Variants in TEX101 observed in about 807,000 individuals in gnomAD.
TEX101 encodes testis-expressed protein 101.
TEX101 carries 10 observed loss-of-function variants against 18.1 expected under a neutral mutation model. That is an observed-to-expected ratio of 0.55 (90% confidence interval 0.34 to 0.94). The LOEUF (loss-of-function observed/expected upper bound fraction) is 0.94. TEX101 is among the 40% of genes least tolerant of loss of function. The pLI, the probability that TEX101 is intolerant of heterozygous loss-of-function variation, is 0.02. For synonymous variants in TEX101, 94 were observed against 114.8 expected (o/e 0.82, Z 1.16); for missense variants, 259 against 298.9 (o/e 0.87, Z 0.98).
At chr19:43,392,043 G>T in the TEX101 span, among the ~76,000 whole-genome samples, 5 of 152,174 alleles carry the variant, frequency 3.3e-5, no homozygotes, top group African/African-American at 1.2e-4. Flanking sequence ...CTGGCTTAGG[G>T]GAAAACAGAG....
At position 43,418,393 on chromosome 19, in the gene TEX101, C is replaced by G; in HGVS notation, c.746C>G (p.Ser249Cys). The change falls in exon 6 of 6, where the codon TCC becomes TGC. Residue 249 changes from serine (S) to cysteine (C), a missense_variant. Coordinates refer to ENST00000598265, the MANE Select transcript of TEX101 (RefSeq NM_001130011.3). Reference protein sequence around the residue: ...PLLLPSFIHFS With the variant: ...PLLLPSFIHFC ...CTGCTGCCATCATTTATTCACTTTT[C>G]CTAAGAAGGCACTTCTGGGCCTGGG... 1 of 1,611,306 alleles carries G rather than the reference C, an allele frequency of 6.2e-7. No individual in the cohort carries two copies. Among genetic ancestry groups the G allele is most frequent in the Non-Finnish European group, 8.5e-7 (1 of 1,177,720 alleles).
At chr19:43,411,796 G>A (rs1196844461), upstream of TEX101, among the ~76,000 whole-genome samples, 5 of 151,946 alleles carry the variant, frequency 3.3e-5, no homozygotes, top group Admixed American at 6.6e-5. Flanking sequence ...GATTACAGGC[G>A]CGTGCCACCA....
At chr19:43,411,581 A>G (rs1970419518), upstream of TEX101, among the ~76,000 whole-genome samples, 2 of 152,178 alleles carry the variant, frequency 1.3e-5, no homozygotes, top group African/African-American at 4.8e-5. Flanking sequence ...CAAACGTTCC[A>G]TGGATTCATA....
At chr19:43,392,397 G>A in the TEX101 span, among the ~76,000 whole-genome samples, 1 of 152,030 alleles carries the variant, frequency 6.6e-6, no homozygotes, top group African/African-American at 2.4e-5. Context: ...AGGGGAGAGA[G>A]AAAGGGCCTA....
chr19:43,405,644 G>A (rs1252549776), intron 2 of TEX101, among the ~76,000 whole-genome samples: 1 of 151,654 alleles, frequency 6.6e-6, no homozygotes, highest in Non-Finnish European at 1.5e-5. Flanking sequence ...ATGGAAGGAG[G>A]TTGGGTGCGG....
intron 2 of TEX101, among the ~76,000 whole-genome samples, chr19:43,405,654 GT>G (rs761574518): frequency 5.3e-5 from 8 of 151,904 alleles, no homozygotes; most frequent in Non-Finnish European, 1.0e-4. Flanking sequence ...GTTGGGTGCG[GT>G]GACTCACGCC....
upstream of TEX101, among the ~76,000 whole-genome samples, chr19:43,412,563 T>C (rs1162909068): frequency 6.6e-6 from 1 of 151,840 alleles, no homozygotes; most frequent in Non-Finnish European, 1.5e-5. Flanking sequence ...CTTCTAGGTG[T>C]GAGATGGAGG....
chr19:43,418,230 T>G lies in TEX101; in HGVS notation c.583T>G (p.Ser195Ala), dbSNP rs748621908. ...AGCCATGATTGGCTGCAGGCTGATGTCTGGAATCTTAGCAGTAGGACCCAT... is the reference window on the plus strand; with the variant it reads ...AGCCATGATTGGCTGCAGGCTGATGGCTGGAATCTTAGCAGTAGGACCCAT... Reference protein sequence around the residue: ...CTAMIGCRLMSGILAVGPMFV... With the variant: ...CTAMIGCRLMAGILAVGPMFV... Residue 195 changes from serine (S) to alanine (A), a missense_variant, in exon 6 of 6, where the codon TCT becomes GCT. Physicochemically the swap from Ser to Ala is moderately conservative, Grantham distance 99 (BLOSUM62 1). Coordinates refer to ENST00000598265, the MANE Select transcript of TEX101 (RefSeq NM_001130011.3). 6.2e-7 allele frequency: 1 copy of G among 1,614,176 alleles called. No homozygotes were observed. The highest frequency in any genetic ancestry group is 1.1e-5 in the South Asian group (1 of 91,084).
chr19:43,391,036 A>C, the TEX101 span, among the ~76,000 whole-genome samples: 14 of 152,344 alleles, frequency 9.2e-5, no homozygotes, highest in East Asian at 2.7e-3. Context: ...ACTTAGCAGA[A>C]AGAGCTCAAG....
chr19:43,416,518 C>G lies in TEX101; in HGVS notation c.354C>G (p.Asp118Glu), dbSNP rs572838169. The G allele has an allele frequency of 1.2e-6, 2 of 1,614,052 alleles. No individual in the cohort carries two copies. The highest frequency in any genetic ancestry group is 1.7e-5 in the Admixed American group (1 of 60,004). The stretch of plus-strand genomic sequence containing the variant: ...AGGATTCCTTCTGTAATGACAAAGA[C>G]AGCCTGTCTCAGTTTTGGGAGTTCA... ...YCEDSFCNDK[D>E]SLSQFWEFSE... The change falls in exon 4 of 6, where the codon GAC (aspartate) becomes GAG (glutamate). Residue 118 changes from aspartate (D) to glutamate (E), a missense_variant. By Grantham distance (45) the Asp-to-Glu change is conservative. Transcript: ENST00000598265.
upstream of TEX101, among the ~76,000 whole-genome samples, chr19:43,410,471 T>C (rs1970408748): frequency 6.6e-6 from 1 of 151,338 alleles, no homozygotes; most frequent in African/African-American, 2.4e-5. Context: ...GTGTGGGAGG[T>C]TGGAATTTTC....
chr19:43,416,407 C>T lies in TEX101; in HGVS notation c.243C>T (p.Cys81=), dbSNP rs1024572856. 6.2e-7 allele frequency: 1 copy of T among 1,614,100 alleles called. No homozygotes were observed. Among genetic ancestry groups the T allele is most frequent in the East Asian group, 2.2e-5 (1 of 44,880 alleles). ...CAGCCATTTTGGCCACGAAGGGCTG[C>T]ATCCCGGAAGGGGAGGAGGCCATAA... The part of the protein sequence containing the change: ...TETAILATKG[C]IPEGEEAITI... Residue 81 remains cysteine, a synonymous_variant, in exon 4 of 6, where the codon TGC becomes TGT. Coordinates refer to ENST00000598265, the MANE Select transcript of TEX101 (RefSeq NM_001130011.3).
chr19:43,403,559 TG>T (rs1970335966), intron 2 of TEX101, among the ~76,000 whole-genome samples: 1 of 151,982 alleles, frequency 6.6e-6, no homozygotes, highest in Non-Finnish European at 1.5e-5. Flanking sequence ...GTTGTGCACA[TG>T]TACCCTAGAA....
At chr19:43,399,877 A>G (rs11666534), upstream of TEX101, among the ~76,000 whole-genome samples, 52,611 of 147,942 alleles carry the variant, frequency 0.36, 9,715 homozygotes, top group East Asian at 0.72. Context: ...GTGCAATGGT[A>G]TGATCTCAGG....
chr19:43,405,549 CAAAAAAAAAA>C (rs1163062557), intron 2 of TEX101, among the ~76,000 whole-genome samples: 24 of 38,502 alleles, frequency 6.2e-4, no homozygotes, highest in East Asian at 1.3e-3. Flanking sequence ...AACTCTGTCT[CAAAAAAAAAA>C]AAAAAAAAAA....
chr19:43,410,840 A>T (rs575604339), upstream of TEX101, among the ~76,000 whole-genome samples: 1 of 152,206 alleles, frequency 6.6e-6, no homozygotes, highest in South Asian at 2.1e-4. Flanking sequence ...ATGAACACAC[A>T]TAGCCAATTA....
rs1160223002 is a variant in TEX101, at chr19:43,416,085, T to C, written c.65-14T>C. 6.2e-7 allele frequency: 1 copy of C among 1,606,082 alleles called. No individual in the cohort carries two copies. Among genetic ancestry groups the C allele is most frequent in the South Asian group, 1.1e-5 (1 of 90,290 alleles). On this transcript the variant is annotated splice_polypyrimidine_tract_variant and intron_variant, in intron 2 of 5. Transcript: ENST00000598265. ...CATGGAGAAGTGCTTATCCTTTTCT[T>C]GTTTTCTCCTCAGCGGGCCTAGAGC...
chr19:43,391,158 T>C, the TEX101 span, among the ~76,000 whole-genome samples: 1 of 152,350 alleles, frequency 6.6e-6, no homozygotes, highest in African/African-American at 2.4e-5. Context: ...GGATGGACAC[T>C]GGGCTTGTTT....
intron 1 of TEX101, among the ~76,000 whole-genome samples, chr19:43,402,528 G>C (rs1970326571): frequency 6.6e-6 from 1 of 152,002 alleles, no homozygotes; most frequent in African/African-American, 2.4e-5. Context: ...GTGTCATGCA[G>C]CAGCACTGGT....
Sources: gnomAD v4.1 joint callset for allele counts (sites outside exome capture counted in the v4.1 genomes callset) on GRCh38, gnomAD v4.1.1 for gene constraint, MANE v1.5 for transcripts, NCBI Gene and HGNC (gene_info 2026-07-23, HGNC 2026-07-21) for gene names.